Variants in MIPOL1 observed in about 807,000 individuals in gnomAD.
MIPOL1 encodes the protein mirror-image polydactyly 1.
MIPOL1 carries 57 observed loss-of-function variants against 60.9 expected under a neutral mutation model. The observed-to-expected ratio is 0.94, with a 90% CI of 0.76 to 1.17. The LOEUF is 1.17. MIPOL1 is among the 50% of genes most tolerant of loss of function. The pLI is 0.00. For missense variants in MIPOL1, 551 were observed against 511.6 expected (o/e 1.08, Z -0.74); for synonymous variants, 179 against 168.8 (o/e 1.06, Z -0.47).
intron 1 of MIPOL1, among the ~76,000 whole-genome samples, chr14:37,204,138 C>T (rs1484767879): frequency 6.6e-6 from 1 of 152,056 alleles, no homozygotes; most frequent in Non-Finnish European, 1.5e-5. Context: ...AGCAGATCCT[C>T]TCCCTGTTGA....
chr14:37,481,563 AC>A (rs2094867276), intron 11 of MIPOL1, among the ~76,000 whole-genome samples: 4 of 51,270 alleles, frequency 7.8e-5, no homozygotes, highest in East Asian at 4.9e-4. Flanking sequence ...CCCCCCCAAC[AC>A]ACACACACAC....
Position 37,251,420 on chromosome 14 carries a change from A to C in MIPOL1, c.19+3513A>C, listed in dbSNP as rs190980258. 9.6e-4 allele frequency among the ~76,000 whole-genome samples: 146 copies of C among 152,214 alleles called. 3 individuals carry two copies. Among genetic ancestry groups the C allele is most frequent in the African/African-American group, 3.5e-3 (145 of 41,554 alleles). On this transcript the variant is annotated intron_variant, in intron 3 of 12. Coordinates refer to ENST00000684589, the MANE Select transcript of MIPOL1 (RefSeq NM_001388067.1). ...ACAGTCCTGAATGAATGTAGTTTGT[A>C]AGTTGATAAAAACAATGTGTGTGTG...
chr14:37,472,852 GT>G (rs1281364128), intron 11 of MIPOL1, among the ~76,000 whole-genome samples: 1 of 152,094 alleles, frequency 6.6e-6, no homozygotes, highest in Non-Finnish European at 1.5e-5. Context: ...TTTCTCAGCA[GT>G]TTTCCATAAA....
At chr14:37,351,034 A>C (rs2091315732) in intron 9 of MIPOL1, among the ~76,000 whole-genome samples, 1 of 128,264 alleles carries the variant, frequency 7.8e-6, no homozygotes, top group African/African-American at 3.1e-5. Flanking sequence ...CATTAGGTAT[A>C]TCTCCCAATG....
chr14:37,493,978 G>A (rs2153607953), intron 11 of MIPOL1, among the ~76,000 whole-genome samples: 1 of 152,292 alleles, frequency 6.6e-6, no homozygotes, highest in East Asian at 1.9e-4. Flanking sequence ...ACTTTGGAAA[G>A]AGGGTAAATG....
chr14:37,390,867 A>G (rs925502972), intron 10 of MIPOL1, among the ~76,000 whole-genome samples: 3 of 152,048 alleles, frequency 2.0e-5, no homozygotes, highest in African/African-American at 7.2e-5. Flanking sequence ...AGTTGACAAG[A>G]TAGTAGCCAA....
chr14:37,400,561 A>T (rs991972353), intron 10 of MIPOL1: 2 of 152,190 alleles, frequency 1.3e-5, no homozygotes, highest in African/African-American at 4.8e-5. Context: ...TATGGAGTCA[A>T]TATTATCCAA....
intron 9 of MIPOL1, among the ~76,000 whole-genome samples, chr14:37,313,017 A>G (rs1189231087): frequency 6.6e-6 from 1 of 152,200 alleles, no homozygotes; most frequent in Non-Finnish European, 1.5e-5. Flanking sequence ...GGAGCCATCT[A>G]GTTAAATTGT....
chr14:37,377,731 T>G (rs1191718341), intron 10 of MIPOL1, among the ~76,000 whole-genome samples: 1 of 145,986 alleles, frequency 6.8e-6, no homozygotes, highest in Non-Finnish European at 1.5e-5. Context: ...GGTTATTTCT[T>G]TCCTATTTTT....
intron 3 of MIPOL1, among the ~76,000 whole-genome samples, chr14:37,253,161 A>G (rs1974377613): frequency 1.3e-5 from 2 of 151,838 alleles, no homozygotes; most frequent in Admixed American, 1.3e-4. Flanking sequence ...TATATTTTAA[A>G]GTAGAAAGAA....
chr14:37,409,489 C>T (rs1337679665), intron 10 of MIPOL1, among the ~76,000 whole-genome samples: 1 of 152,070 alleles, frequency 6.6e-6, no homozygotes, highest in Non-Finnish European at 1.5e-5. Context: ...TTATACACAG[C>T]CAAAAAAATA....
chr14:37,305,604 C>T (rs1464914315), intron 7 of MIPOL1, among the ~76,000 whole-genome samples: 2 of 151,674 alleles, frequency 1.3e-5, no homozygotes, highest in Non-Finnish European at 3.0e-5. Context: ...CATAATCTAT[C>T]TTTAATATCT....
chr14:37,308,214 T>C (rs1308802295), intron 8 of MIPOL1, 125 bp downstream of exon 8: 3 of 1,189,360 alleles, frequency 2.5e-6, no homozygotes, highest in Non-Finnish European at 3.5e-6. Flanking sequence ...ATAATGTACA[T>C]CTTTGCTGCA....
chr14:37,401,114 G>A lies in MIPOL1; in HGVS notation c.937-21741G>A, dbSNP rs78134146. Reference sequence around the variant, plus strand: ...GATCAGGGACAAAAATATAAATAATGATTTGGAACAGCAAAGGGAGAAACA... The same window carrying A: ...GATCAGGGACAAAAATATAAATAATAATTTGGAACAGCAAAGGGAGAAACA... On this transcript the variant is annotated intron_variant, in intron 10 of 12. Coordinates refer to ENST00000684589, the MANE Select transcript of MIPOL1 (RefSeq NM_001388067.1). 2.1e-3 allele frequency: 325 copies of A among 152,144 alleles called. 2 individuals are homozygous for A. Among genetic ancestry groups the A allele is most frequent in the African/African-American group, 7.2e-3 (300 of 41,540 alleles). 9.4% of individuals were successfully genotyped at this position (152,144 alleles called of 1,614,324 possible).
intron 3 of MIPOL1, among the ~76,000 whole-genome samples, chr14:37,260,250 A>G (rs2082426949): frequency 6.6e-6 from 1 of 151,972 alleles, no homozygotes; most frequent in African/African-American, 2.4e-5. Flanking sequence ...TAAAAAAAAA[A>G]AAAAAAAAGG....
chr14:37,484,004 T>C lies in MIPOL1; in HGVS notation c.1032-15904T>C, dbSNP rs114005041. On this transcript the variant is annotated intron_variant, in intron 11 of 12. Coordinates refer to ENST00000684589, the MANE Select transcript of MIPOL1 (RefSeq NM_001388067.1). The stretch of plus-strand genomic sequence containing the variant: ...TGCAACACTGTTCACAATAGCCAAG[T>C]TATGGAATCAACCTAAGTATCAGTA... Among the ~76,000 whole-genome samples the C allele has an allele frequency of 6.9e-3, 1,048 of 152,288 alleles. 12 individuals carry two copies. Among genetic ancestry groups the C allele is most frequent in the African/African-American group, 0.024 (1,010 of 41,558 alleles).
intron 7 of MIPOL1, among the ~76,000 whole-genome samples, chr14:37,304,055 A>G (rs1203015954): frequency 6.6e-6 from 1 of 151,804 alleles, no homozygotes; most frequent in East Asian, 1.9e-4. Context: ...TGTGTTTTAG[A>G]GTACATCTTG....
intron 3 of MIPOL1, among the ~76,000 whole-genome samples, chr14:37,258,385 GT>G (rs1975317056): frequency 6.6e-6 from 1 of 151,952 alleles, no homozygotes; most frequent in Non-Finnish European, 1.5e-5. Flanking sequence ...GACTTTTCCA[GT>G]TCACTCGTGT....
chr14:37,308,944 C>G (rs539943491), intron 9 of MIPOL1, among the ~76,000 whole-genome samples: 2 of 151,960 alleles, frequency 1.3e-5, no homozygotes, highest in Non-Finnish European at 2.9e-5. Flanking sequence ...CAAAATTATT[C>G]ATGTATTTTT....
Sources: gnomAD v4.1 joint callset for allele counts (sites outside exome capture counted in the v4.1 genomes callset) on GRCh38, gnomAD v4.1.1 for gene constraint, MANE v1.5 for transcripts, NCBI Gene and HGNC (gene_info 2026-07-23, HGNC 2026-07-21) for gene names.